Variants in CCDC30 observed in about 807,000 individuals in gnomAD.
The protein encoded by CCDC30 is coiled-coil domain-containing protein 30.
CCDC30 carries 70 observed loss-of-function variants against 100.2 expected under a neutral mutation model. The ratio of observed to expected loss-of-function variants is 0.70; its 90% CI spans 0.58 to 0.85. The LOEUF is 0.85. Among genes scored for constraint, CCDC30 ranks in the 40% least tolerant of loss-of-function variants. The probability of loss-of-function intolerance (pLI) is 0.00; values close to 1 mark genes in which losing one functional copy is unlikely to be tolerated. For missense variants in CCDC30, 652 were observed against 771.2 expected (o/e 0.85, Z 1.83); for synonymous variants, 233 against 269.5 (o/e 0.86, Z 1.33).
chr1:42,605,038 T>C (rs1646476143), intron 10 of CCDC30, among the ~76,000 whole-genome samples: 1 of 152,202 alleles, frequency 6.6e-6, no homozygotes, highest in African/African-American at 2.4e-5. Flanking sequence ...CAACTAACTA[T>C]GACAAGATAG....
intron 10 of CCDC30, among the ~76,000 whole-genome samples, chr1:42,606,660 C>A (rs1319225531): frequency 6.6e-6 from 1 of 152,166 alleles, no homozygotes; most frequent in Non-Finnish European, 1.5e-5. Context: ...TCGTGGGTCT[C>A]AAGTATTTTT....
At chr1:42,513,902 G>T (rs1644517106) in intron 6 of CCDC30, among the ~76,000 whole-genome samples, 1 of 152,186 alleles carries the variant, frequency 6.6e-6, no homozygotes, top group East Asian at 1.9e-4. Context: ...CAAAGAAGTA[G>T]TAGGTCTGTC....
At chr1:42,615,249 G>C (rs1267302813) in intron 11 of CCDC30, among the ~76,000 whole-genome samples, 1 of 152,136 alleles carries the variant, frequency 6.6e-6, no homozygotes, top group Non-Finnish European at 1.5e-5. Context: ...TTTTCAAACT[G>C]GTTGCTGGAA....
At chr1:42,636,407 AAAG>A (rs1201339315) in intron 11 of CCDC30, among the ~76,000 whole-genome samples, 12 of 151,656 alleles carry the variant, frequency 7.9e-5, no homozygotes, top group East Asian at 3.9e-4. Context: ...CCCTGTCTCA[AAAG>A]AAGAAGAAGA....
At chr1:42,471,209 C>T (rs1643759217) in intron 1 of CCDC30, among the ~76,000 whole-genome samples, 1 of 152,142 alleles carries the variant, frequency 6.6e-6, no homozygotes, top group African/African-American at 2.4e-5. Context: ...TACCGTCCTA[C>T]TGATCAGCAA....
chr1:42,545,217 TA>T (rs55876180), intron 6 of CCDC30, among the ~76,000 whole-genome samples, 192 bp from the exon 9 acceptor site: 28,256 of 115,370 alleles, frequency 0.24, 3,117 homozygotes, highest in South Asian at 0.47. Flanking sequence ...ATGCCTATGG[TA>T]AAAAAAAAAT....
At chr1:42,543,522 T>C (rs1414116737) in intron 6 of CCDC30, among the ~76,000 whole-genome samples, 2 of 152,146 alleles carry the variant, frequency 1.3e-5, no homozygotes, top group Non-Finnish European at 2.9e-5. Flanking sequence ...GGATTCACCA[T>C]GTTGGCCAGG....
At chr1:42,459,607 CAATG>C (rs1484391937), upstream of CCDC30, 1 of 1,612,678 alleles carries the variant, frequency 6.2e-7, no homozygotes. Context: ...ATACAGATAA[CAATG>C]AAGATGGTGC....
At chr1:42,485,443 T>A (rs1370289857) in intron 3 of CCDC30, among the ~76,000 whole-genome samples, 1 of 152,162 alleles carries the variant, frequency 6.6e-6, no homozygotes, top group Non-Finnish European at 1.5e-5. Flanking sequence ...GGATCTTACA[T>A]CCAGAATATG....
intron 2 of CCDC30, among the ~76,000 whole-genome samples, chr1:42,481,826 G>C (rs1643963419): frequency 6.6e-6 from 1 of 152,138 alleles, no homozygotes; most frequent in African/African-American, 2.4e-5. Context: ...GTACATCACA[G>C]TATTATTTTC....
At chr1:42,470,160 C>T (rs1436409773) in intron 1 of CCDC30, among the ~76,000 whole-genome samples, 2 of 152,098 alleles carry the variant, frequency 1.3e-5, no homozygotes, top group African/African-American at 4.8e-5. Context: ...GCTTGAGGGG[C>T]AAACAAGTGA....
At chr1:42,479,491 GA>G (rs1241854587) in intron 1 of CCDC30, among the ~76,000 whole-genome samples, 1 of 149,336 alleles carries the variant, frequency 6.7e-6, no homozygotes, top group African/African-American at 2.5e-5. Context: ...CAACAAAGGT[GA>G]CAAGGTAATT....
At chr1:42,504,668 G>T (rs1644370012) in intron 6 of CCDC30, among the ~76,000 whole-genome samples, 1 of 152,180 alleles carries the variant, frequency 6.6e-6, no homozygotes, top group Non-Finnish European at 1.5e-5. Context: ...CATTGGATTT[G>T]GGTGGCTAGA....
chr1:42,614,939 A>T (rs1196871836), intron 11 of CCDC30, among the ~76,000 whole-genome samples: 1 of 152,052 alleles, frequency 6.6e-6, no homozygotes, highest in African/African-American at 2.4e-5. Flanking sequence ...TTCTAAATGG[A>T]ATTATACTAC....
intron 15 of CCDC30, among the ~76,000 whole-genome samples, chr1:42,647,004 G>A (rs1647941130): frequency 6.6e-6 from 1 of 152,150 alleles, no homozygotes; most frequent in South Asian, 2.1e-4. Flanking sequence ...GGAGGCTGAG[G>A]AAGGAGAATC....
At chr1:42,574,489 A>G (rs1241353951) in intron 7 of CCDC30, among the ~76,000 whole-genome samples, 1 of 152,124 alleles carries the variant, frequency 6.6e-6, no homozygotes, top group Non-Finnish European at 1.5e-5. Context: ...TTTCACTTTT[A>G]TAATATTAGT....
intron 10 of CCDC30, among the ~76,000 whole-genome samples, chr1:42,604,098 T>G (rs940430743): frequency 6.6e-6 from 1 of 152,018 alleles, no homozygotes; most frequent in Non-Finnish European, 1.5e-5. Flanking sequence ...CCTGTAGTCC[T>G]AGCTACTTGG....
intron 9 of CCDC30, among the ~76,000 whole-genome samples, chr1:42,581,876 G>A (rs542096481): frequency 6.6e-6 from 1 of 152,128 alleles, no homozygotes; most frequent in Admixed American, 6.6e-5. Flanking sequence ...TTGATATTCT[G>A]TACGAGGGGA....
At chr1:42,626,219 C>A (rs895782571) in intron 11 of CCDC30, among the ~76,000 whole-genome samples, 1 of 152,008 alleles carries the variant, frequency 6.6e-6, no homozygotes, top group Non-Finnish European at 1.5e-5. Flanking sequence ...CCTTTTCCAT[C>A]CCTTTGTTTC....
Sources: gnomAD v4.1 joint callset for allele counts (sites outside exome capture counted in the v4.1 genomes callset) on GRCh38, gnomAD v4.1.1 for gene constraint, MANE v1.5 for transcripts, NCBI Gene and HGNC (gene_info 2026-07-23, HGNC 2026-07-21) for gene names.